GRM5: variants seen among roughly 807,000 people sequenced by gnomAD.
GRM5 encodes metabotropic glutamate receptor 5.
Under a neutral mutation model 83.1 loss-of-function variants are expected in GRM5, and 19 were observed. The observed-to-expected ratio is 0.23, with a 90% CI of 0.16 to 0.34. The LOEUF (loss-of-function observed/expected upper bound fraction) is 0.34. GRM5 is among the 10% of genes least tolerant of loss of function. GRM5 has a pLI of 1.00. For missense variants in GRM5, 1,160 were observed against 1,588.3 expected (o/e 0.73, Z 4.58); for synonymous variants, 675 against 633.6 (o/e 1.07, Z -0.98).
chr11:88,785,519 A>G (rs1943052314), intron 3 of GRM5, among the ~76,000 whole-genome samples: 1 of 152,154 alleles, frequency 6.6e-6, no homozygotes, highest in South Asian at 2.1e-4. Context: ...AAACATCTAT[A>G]GTTAAAATAA....
chr11:88,776,502 GCC>G (rs1384222607), intron 3 of GRM5, among the ~76,000 whole-genome samples: 1 of 152,042 alleles, frequency 6.6e-6, no homozygotes, highest in Non-Finnish European at 1.5e-5. Context: ...GGTTTATTTT[GCC>G]CATTAATTGA....
At chr11:88,840,030 G>C (rs1412892489) in intron 3 of GRM5, among the ~76,000 whole-genome samples, 1 of 152,142 alleles carries the variant, frequency 6.6e-6, no homozygotes, top group African/African-American at 2.4e-5. Flanking sequence ...GGAAGGGAAG[G>C]GGTTGGTCTT....
chr11:88,780,667 C>A (rs1258152202), intron 3 of GRM5, among the ~76,000 whole-genome samples: 1 of 151,996 alleles, frequency 6.6e-6, no homozygotes, highest in South Asian at 2.1e-4. Flanking sequence ...TCAGGGGTAT[C>A]TGTATATTTA....
At chr11:88,869,091 C>G (rs1264869572) in intron 2 of GRM5, among the ~76,000 whole-genome samples, 3 of 151,672 alleles carry the variant, frequency 2.0e-5, no homozygotes, top group African/African-American at 7.3e-5. Flanking sequence ...ACAGGAATAG[C>G]AAGTTTTGCT....
intron 3 of GRM5, among the ~76,000 whole-genome samples, chr11:88,690,516 A>C (rs1001874160): frequency 1.3e-5 from 2 of 152,184 alleles, no homozygotes; most frequent in Non-Finnish European, 2.9e-5. Flanking sequence ...AAATGAATTA[A>C]TTACAATTTA....
intron 3 of GRM5, among the ~76,000 whole-genome samples, chr11:88,785,866 A>T (rs1458105860): frequency 2.0e-5 from 3 of 152,156 alleles, no homozygotes; most frequent in Non-Finnish European, 4.4e-5. Flanking sequence ...ACTACTGGAA[A>T]GAAAACAAGC....
chr11:88,823,611 G>A (rs766847832), intron 3 of GRM5, among the ~76,000 whole-genome samples: 1 of 152,070 alleles, frequency 6.6e-6, no homozygotes, highest in African/African-American at 2.4e-5. Context: ...TGACTAGGAT[G>A]CTCTCTGGCT....
At chr11:88,765,397 A>G (rs1942608392) in intron 3 of GRM5, among the ~76,000 whole-genome samples, 1 of 2,802 alleles carries the variant, frequency 3.6e-4, no homozygotes, top group Non-Finnish European at 9.9e-4. Context: ...GACAATTTGA[A>G]AAAAAAAAAA....
chr11:88,968,091 T>A (rs1382161296), intron 2 of GRM5, among the ~76,000 whole-genome samples: 1 of 152,132 alleles, frequency 6.6e-6, no homozygotes, highest in Non-Finnish European at 1.5e-5. Context: ...AAGAATTTTA[T>A]GTGAAAAAGC....
rs200601917 is a variant in GRM5, at chr11:89,047,190, G to T, written c.661+22C>A. On this transcript the variant is annotated intron_variant, in intron 2 of 9. Coordinates refer to ENST00000305447, the MANE Select transcript of GRM5 (RefSeq NM_001143831.3). This position sits in a 1 kb window ranked among gnomAD's most constrained non-coding sequence, Gnocchi z 5.1. Reference sequence around the variant, plus strand: ...GTTGAGTGCATAATAATATATACTCGATGTATGCAAAGGAAACTTACCTTC... The same window carrying T: ...GTTGAGTGCATAATAATATATACTCTATGTATGCAAAGGAAACTTACCTTC... 1.9e-6 allele frequency: 3 copies of T among 1,544,530 alleles called. No individual in the cohort carries two copies. The highest frequency in any genetic ancestry group is 2.3e-5 in the South Asian group (2 of 85,476).
intron 4 of GRM5, among the ~76,000 whole-genome samples, chr11:88,628,178 A>G (rs1003860385): frequency 2.6e-5 from 4 of 152,144 alleles, no homozygotes; most frequent in African/African-American, 9.7e-5. Context: ...TGCATTCTCT[A>G]CTTCTCTAAT....
chr11:88,797,996 A>G (rs910379586), intron 3 of GRM5, among the ~76,000 whole-genome samples: 74 of 152,090 alleles, frequency 4.9e-4, no homozygotes, highest in African/African-American at 1.7e-3. Flanking sequence ...CCTTCCATGC[A>G]TATTATAATG....
At chr11:89,028,076 T>C (rs1380907420) in intron 2 of GRM5, among the ~76,000 whole-genome samples, 3 of 152,196 alleles carry the variant, frequency 2.0e-5, no homozygotes, top group East Asian at 3.9e-4. Context: ...TCATCAAATC[T>C]GCCAGCGTCT....
chr11:88,997,932 A>G (rs1206923697), intron 2 of GRM5, among the ~76,000 whole-genome samples: 2 of 152,144 alleles, frequency 1.3e-5, no homozygotes, highest in East Asian at 3.9e-4. Context: ...AAGAGTAGGG[A>G]GTACTTCTCA....
intron 3 of GRM5, among the ~76,000 whole-genome samples, chr11:88,804,137 G>A (rs867042541): frequency 0.031 from 4,749 of 151,446 alleles, 242 homozygotes; most frequent in African/African-American, 0.11. Context: ...GCGATTCCTC[G>A]GGGATCTAGA....
At chr11:88,887,643 C>G (rs569327666) in intron 2 of GRM5, among the ~76,000 whole-genome samples, 1 of 152,126 alleles carries the variant, frequency 6.6e-6, no homozygotes, top group African/African-American at 2.4e-5. Flanking sequence ...AAGGGGAATG[C>G]CCCCACTGTC....
chr11:88,844,046 T>C (rs1944254678), intron 3 of GRM5, among the ~76,000 whole-genome samples: 1 of 152,176 alleles, frequency 6.6e-6, no homozygotes, highest in Non-Finnish European at 1.5e-5. Context: ...CAACAACATA[T>C]TTTCAATGCA....
rs1239184467 is a variant in GRM5 at position 89,040,690 on chromosome 11, G to A, written c.661+6522C>T. 5.3e-5 allele frequency among the ~76,000 whole-genome samples: 8 copies of A among 151,922 alleles called. No homozygotes were observed. The East Asian group carries it at 1.5e-3, about 29-fold the overall frequency. On this transcript the variant is annotated intron_variant, in intron 2 of 9. Coordinates refer to ENST00000305447, the MANE Select transcript of GRM5 (RefSeq NM_001143831.3). ...TTCTTCAGCCTGGGCAATAGAGAGA[G>A]ACCCTGTCTCAAAGAATAAAAAAGA...
At chr11:88,728,377 T>C (rs1426852359) in intron 3 of GRM5, among the ~76,000 whole-genome samples, 4 of 151,988 alleles carry the variant, frequency 2.6e-5, no homozygotes, top group Non-Finnish European at 5.9e-5. Flanking sequence ...ATTGAGGCCT[T>C]AATTAATAGC....
Sources: gnomAD v4.1 joint callset for allele counts (sites outside exome capture counted in the v4.1 genomes callset) on GRCh38, gnomAD v4.1.1 for gene constraint, Gnocchi (gnomAD v3.1) non-coding constraint, MANE v1.5 for transcripts, NCBI Gene and HGNC (gene_info 2026-07-23, HGNC 2026-07-21) for gene names.